Variants in GCDH observed in about 807,000 individuals in gnomAD.
The protein encoded by GCDH is glutaryl-CoA dehydrogenase, also known as glutaryl-CoA dehydrogenase, mitochondrial.
GCDH carries 31 observed loss-of-function variants against 52.8 expected under a neutral mutation model. The observed-to-expected ratio is 0.59, with a 90% CI of 0.44 to 0.79. The LOEUF is 0.79. Among genes scored for constraint, GCDH ranks in the 30% least tolerant of loss-of-function variants. The pLI, the probability that GCDH is intolerant of heterozygous loss-of-function variation, is 0.00. For missense variants in GCDH, 509 were observed against 595.0 expected (o/e 0.86, Z 1.50); for synonymous variants, 242 against 250.0 (o/e 0.97, Z 0.30).
In GCDH at chr19:12,899,550, A is replaced by G; in HGVS notation, c.*9A>G. ...TCACGGCCAGCAAGTGAGCCGCTCC[A>G]TCAGGGGCCCGAAACTCTCAAGCCC... On this transcript the variant is annotated 3_prime_UTR_variant, in exon 12 of 12. Transcript: ENST00000222214. 1 of 1,614,214 alleles carries G rather than the reference A, an allele frequency of 6.2e-7. No homozygotes were observed. Among genetic ancestry groups the G allele is most frequent in the South Asian group, 1.1e-5 (1 of 91,086 alleles).
At chr19:12,899,148 G>T (rs933926888) in intron 11 of GCDH, 8 of 601,366 alleles carry the variant, frequency 1.3e-5, no homozygotes, top group Non-Finnish European at 2.4e-5. Flanking sequence ...TGGGGAGCAC[G>T]AAGCCTGGGC....
chr19:12,891,989 G>A lies in GCDH; in HGVS notation c.271+15G>A, dbSNP rs781091164. ...TCGCAACGAAGGTGGGCGGGCTGGT[G>A]GGTGCCCTGAGACTGCTCCTCCGCC... is the stretch of plus-strand genomic sequence containing the variant. On this transcript the variant is annotated intron_variant, in intron 4 of 11. Coordinates refer to ENST00000222214, the MANE Select transcript of GCDH (RefSeq NM_000159.4). 1.2e-6 allele frequency: 2 copies of A among 1,614,116 alleles called. No individual in the cohort carries two copies. The highest frequency in any genetic ancestry group is 2.7e-5 in the African/African-American group (2 of 74,938).
intron 11 of GCDH, chr19:12,898,430 G>A (rs559643068): frequency 1.1e-4 from 17 of 160,080 alleles, no homozygotes; most frequent in East Asian, 3.7e-4. Context: ...AGGACCCCCC[G>A]GGCAGAGATG....
intron 4 of GCDH, 60 bp downstream of exon 4, chr19:12,892,034 C>A (rs1350230336): frequency 1.9e-6 from 3 of 1,613,326 alleles, no homozygotes; most frequent in Non-Finnish European, 1.7e-6. Context: ...AGCCACCCCA[C>A]CTCAAGGCCC....
chr19:12,897,283 C>T lies in GCDH; in HGVS notation c.957-20C>T, dbSNP rs780352044. ...GAGAGTGGGCCTCCCCTCGCTCTTA[C>T]CCTGCCATTGCCCATGTAGGATGCA... On this transcript the variant is annotated intron_variant, in intron 9 of 11. Coordinates refer to ENST00000222214, the MANE Select transcript of GCDH (RefSeq NM_000159.4). 3.7e-6 allele frequency: 6 copies of T among 1,613,406 alleles called. No homozygotes were observed. In the East Asian group the frequency reaches 1.3e-4, roughly 36 times the overall value.
In GCDH at chr19:12,891,809, C is replaced by G. The variant is rs200145853; in HGVS notation, c.128-22C>G. 8 of 1,612,954 alleles carry G rather than the reference C, an allele frequency of 5.0e-6. No homozygotes were observed. In the Admixed American group the frequency reaches 1.3e-4, roughly 27 times the overall value. ...GGCACAGTGATCTTGCGGACTGGACCGAGGCGAATTCCCCTTCCCAGCCTC... is the reference window on the plus strand; with the variant it reads ...GGCACAGTGATCTTGCGGACTGGACGGAGGCGAATTCCCCTTCCCAGCCTC... On this transcript the variant is annotated intron_variant, in intron 3 of 11. Coordinates refer to ENST00000222214, the MANE Select transcript of GCDH (RefSeq NM_000159.4).
Position 12,896,859 on chromosome 19 carries a change from G to A in GCDH, c.853-51G>A, listed in dbSNP as rs1370702888. On this transcript the variant is annotated intron_variant, in intron 8 of 11. Transcript: ENST00000222214. This position sits in a 1 kb window ranked among gnomAD's most constrained non-coding sequence, Gnocchi z 5.5. ...CTGCTTCAGAGTTGGTTCTGCATAG[G>A]CCCTCTTGGTGTCTCTTGGGTGGGC... is the stretch of plus-strand genomic sequence containing the variant. The A allele has an allele frequency of 1.5e-6, 2 of 1,298,872 alleles. No homozygotes were observed. Among genetic ancestry groups the A allele is most frequent in the Non-Finnish European group, 2.2e-6 (2 of 895,678 alleles). The allele number at this position is 1,298,872 out of a possible 1,614,324, so 80.5% of individuals were successfully genotyped here. A position where few individuals can be genotyped will look rare whatever the true frequency, so the allele number is the denominator to read the frequency against.
intron 5 of GCDH, chr19:12,892,517 C>T: frequency 2.6e-6 from 1 of 382,594 alleles, no homozygotes; most frequent in Non-Finnish European, 4.9e-6. Flanking sequence ...GTCTCAAACT[C>T]CTGACCTCAG....
rs773310063 is a variant in GCDH at position 12,897,307 on chromosome 19, C to A, written c.961C>A (p.Gln321Lys). The A allele has an allele frequency of 3.1e-6, 5 of 1,613,752 alleles. No homozygotes were observed. Among genetic ancestry groups the A allele is most frequent in the Non-Finnish European group, 4.2e-6 (5 of 1,179,982 alleles). Residue 321 changes from glutamine to lysine, a missense_variant, in exon 10 of 12, where the codon CAG becomes AAG. Coordinates refer to ENST00000222214, the MANE Select transcript of GCDH (RefSeq NM_000159.4). ...TARQYALDRM[Q>K]FGVPLARNQL... ...ACCCTGCCATTGCCCATGTAGGATG[C>A]AGTTTGGTGTCCCACTGGCCAGGAA...
chr19:12,892,324 C>T, intron 5 of GCDH, 146 bp downstream of exon 5: 1 of 790,528 alleles, frequency 1.3e-6, no homozygotes, highest in East Asian at 2.7e-5. Flanking sequence ...CAGAGTCTGG[C>T]TCTGTTGCCC....
Position 12,896,414 on chromosome 19 carries a change from G to A in GCDH, c.845G>A (p.Ser282Asn), listed in dbSNP as rs756021086. ...GAGAATGTGCTCCCTGGTGCATCCA[G>A]CCTGGGGGTAAGTGGCAGCCACTTT... ...PEENVLPGAS[S>N]LGGPFGCLNN... The change falls in exon 8 of 12, where the codon AGC becomes AAC. Residue 282 changes from serine (S) to asparagine (N), a missense_variant. Ser to Asn is a conservative substitution (Grantham distance 46). Transcript: ENST00000222214. The surrounding 1 kb of genome is among the most constrained non-coding windows in gnomAD (Gnocchi z 5.5). 1 of 1,612,638 alleles carries A rather than the reference G, an allele frequency of 6.2e-7. No individual in the cohort carries two copies.
In GCDH at chr19:12,896,141, G is replaced by A. The variant is rs1351975861; in HGVS notation, c.635+20G>A. On this transcript the variant is annotated intron_variant, in intron 7 of 11. Transcript: ENST00000222214. This position sits in a 1 kb window ranked among gnomAD's most constrained non-coding sequence, Gnocchi z 5.5. ...GACCTGGTAAGGGTTCTGGGTGGTG[G>A]GCAGGTGGTGAACAGGGGCAAAGGG... The A allele has an allele frequency of 5.0e-6, 8 of 1,614,116 alleles. 1 individual carries two copies. The Admixed American group carries it at 8.3e-5, about 17-fold the overall frequency.
At position 12,899,541 on chromosome 19, in the gene GCDH, A is replaced by G. The variant is rs1555751995; in HGVS notation, c.1317A>G (p.Ter439TrpextTer27). 6.2e-7 allele frequency: 1 copy of G among 1,614,138 alleles called. No homozygotes were observed. The highest frequency in any genetic ancestry group is 8.5e-7 in the Non-Finnish European group (1 of 1,180,008). Reference protein sequence around the residue: ...TGIQAFTASK* With the variant: ...TGIQAFTASKW Reference sequence around the variant, plus strand: ...TCCAGGCGTTCACGGCCAGCAAGTGAGCCGCTCCATCAGGGGCCCGAAACT... The same window carrying G: ...TCCAGGCGTTCACGGCCAGCAAGTGGGCCGCTCCATCAGGGGCCCGAAACT... Residue 439 changes from the stop codon to tryptophan, a stop_lost, in exon 12 of 12, where the codon TGA (stop) becomes TGG (tryptophan). Transcript: ENST00000222214.
At chr19:12,892,675 C>T (rs765968460) in intron 5 of GCDH, among the ~76,000 whole-genome samples, 9 of 151,864 alleles carry the variant, frequency 5.9e-5, no homozygotes, top group Admixed American at 3.9e-4. Context: ...CTCCACCTCC[C>T]GGGTTTAAGT....
chr19:12,893,400 C>G (rs968303573), intron 5 of GCDH, 83 bp from the exon 6 acceptor site: 1 of 1,234,890 alleles, frequency 8.1e-7, no homozygotes, highest in South Asian at 1.2e-5. Flanking sequence ...CCTTGTGTGT[C>G]CTTATTCAGC....
chr19:12,896,292 G>A lies in GCDH; in HGVS notation c.723G>A (p.Gly241=). 6.2e-7 allele frequency: 1 copy of A among 1,614,140 alleles called. No homozygotes were observed. Among genetic ancestry groups the A allele is most frequent in the Non-Finnish European group, 8.5e-7 (1 of 1,179,998 alleles). The change falls in exon 8 of 12, where the codon GGG becomes GGA. Residue 241 remains glycine (G), a synonymous_variant. Coordinates refer to ENST00000222214, the MANE Select transcript of GCDH (RefSeq NM_000159.4). The surrounding 1 kb of genome is among the most constrained non-coding windows in gnomAD (Gnocchi z 5.5). The stretch of plus-strand genomic sequence containing the variant: ...TTCGGGGCTTCCTGCTGGAGAAGGG[G>A]ATGCGGGGTCTCTCGGCCCCCAGGA... ...GCIRGFLLEK[G]MRGLSAPRIQ...
chr19:12,899,541 A>T lies in GCDH; in HGVS notation c.1317A>T (p.Ter439CysextTer27). 1 of 1,614,138 alleles carries T rather than the reference A, an allele frequency of 6.2e-7. No homozygotes were observed. The highest frequency in any genetic ancestry group is 8.5e-7 in the Non-Finnish European group (1 of 1,180,008). Residue 439 changes from the stop codon to cysteine (C), a stop_lost, in exon 12 of 12, where the codon TGA becomes TGT. Coordinates refer to ENST00000222214, the MANE Select transcript of GCDH (RefSeq NM_000159.4). ...TCCAGGCGTTCACGGCCAGCAAGTG[A>T]GCCGCTCCATCAGGGGCCCGAAACT... Reference protein sequence around the residue: ...TGIQAFTASK* With the variant: ...TGIQAFTASKC
At position 12,892,039 on chromosome 19, in the gene GCDH, A is replaced by G. The variant is rs908283051; in HGVS notation, c.271+65A>G. The G allele has an allele frequency of 2.5e-6, 4 of 1,613,244 alleles. No individual in the cohort carries two copies. In the African/African-American group the frequency reaches 5.3e-5, roughly 22 times the overall value. The stretch of plus-strand genomic sequence containing the variant: ...CTGGAGCCATAGCCACCCCACCTCA[A>G]GGCCCCTCTGTCCTTGGGGCTGGGG... On this transcript the variant is annotated intron_variant, in intron 4 of 11. Coordinates refer to ENST00000222214, the MANE Select transcript of GCDH (RefSeq NM_000159.4).
At position 12,896,055 on chromosome 19, in the gene GCDH, G is replaced by T; in HGVS notation, c.569G>T (p.Ser190Ile). 6.2e-7 allele frequency: 1 copy of T among 1,614,130 alleles called. No individual in the cohort carries two copies. Among genetic ancestry groups the T allele is most frequent in the Non-Finnish European group, 8.5e-7 (1 of 1,179,998 alleles). The change falls in exon 7 of 12, where the codon AGC (serine) becomes ATC (isoleucine). Residue 190 changes from serine to isoleucine, a missense_variant. Transcript: ENST00000222214. The surrounding 1 kb of genome is among the most constrained non-coding windows in gnomAD (Gnocchi z 5.5). ...TEPNSGSDPS[S>I]METRAHYNSS... ...CCCAACAGCGGAAGTGACCCCAGCA[G>T]CATGGAGACCAGAGCCCACTACAAC...
Sources: gnomAD v4.1 joint callset for allele counts (sites outside exome capture counted in the v4.1 genomes callset) on GRCh38, gnomAD v4.1.1 for gene constraint, Gnocchi (gnomAD v3.1) non-coding constraint, MANE v1.5 for transcripts, NCBI Gene and HGNC (gene_info 2026-07-23, HGNC 2026-07-21) for gene names.